The following PTPRD variants were observed in gnomAD, a reference collection of about 807,000 sequenced individuals.
PTPRD encodes protein tyrosine phosphatase receptor type D.
In PTPRD, 34 loss-of-function variants were observed where a neutral mutation model predicts 214.5. That is an observed-to-expected ratio of 0.16 (90% CI 0.12 to 0.21). PTPRD has a LOEUF of 0.21. Among genes scored for constraint, PTPRD ranks in the 10% least tolerant of loss-of-function variants. The probability of loss-of-function intolerance (pLI) is 1.00; values close to 1 mark genes in which losing one functional copy is unlikely to be tolerated. For missense variants in PTPRD, 2,545 were observed against 2,398.7 expected, an observed-to-expected ratio of 1.06 and a Z score of -1.27; for synonymous variants, 1,128 against 845.7, an observed-to-expected ratio of 1.33 and a Z score of -5.79.
At chr9:10,471,218 C>A (rs148183971) in intron 2 of PTPRD, among the ~76,000 whole-genome samples, 2,743 of 152,044 alleles carry the variant, frequency 0.018, 74 homozygotes, top group South Asian at 0.058. Context: ...ATGGGGGCAG[C>A]AAACCACCAT....
intron 7 of PTPRD, among the ~76,000 whole-genome samples, chr9:9,603,726 G>C (rs988579148): frequency 6.6e-6 from 1 of 152,156 alleles, no homozygotes; most frequent in Non-Finnish European, 1.5e-5. Flanking sequence ...CCCACCATGT[G>C]TGGAAAAGTT....
intron 5 of PTPRD, among the ~76,000 whole-genome samples, chr9:9,822,274 G>A (rs2051031243): frequency 6.6e-6 from 1 of 151,338 alleles, no homozygotes. Context: ...AGCTGGGCAT[G>A]GTGGTGCATG....
chr9:8,727,879 C>A (rs901038812), intron 12 of PTPRD, among the ~76,000 whole-genome samples: 4 of 152,146 alleles, frequency 2.6e-5, no homozygotes, highest in Non-Finnish European at 5.9e-5. Flanking sequence ...AAAGTTCTCC[C>A]ATTTAAAGTA....
intron 11 of PTPRD, among the ~76,000 whole-genome samples, chr9:8,865,728 A>G (rs922829383): frequency 6.6e-6 from 1 of 152,140 alleles, no homozygotes; most frequent in African/African-American, 2.4e-5. Context: ...GTGCTTAGAT[A>G]CCACTGTGGC....
chr9:8,741,566 CTTTTTTTTTTTTTTTTTTTTTT>C (rs66547770), intron 11 of PTPRD, among the ~76,000 whole-genome samples: 2 of 70,644 alleles, frequency 2.8e-5, no homozygotes, highest in East Asian at 4.8e-4. Context: ...TCAGGCATTT[CTTTTTTTTTTTTTTTTTTTTTT>C]TTTTTTTTTT....
At chr9:9,634,218 C>T (rs1480033507) in intron 7 of PTPRD, among the ~76,000 whole-genome samples, 4 of 151,976 alleles carry the variant, frequency 2.6e-5, no homozygotes, top group South Asian at 2.1e-4. Context: ...GTATCAAAAA[C>T]GTTGGTGGAT....
At chr9:10,104,354 A>G (rs2098602754) in intron 3 of PTPRD, among the ~76,000 whole-genome samples, 1 of 151,778 alleles carries the variant, frequency 6.6e-6, no homozygotes, top group South Asian at 2.1e-4. Context: ...ATAATTAAAA[A>G]AAGAATTTAA....
intron 11 of PTPRD, among the ~76,000 whole-genome samples, chr9:8,917,475 G>A (rs570809074): frequency 6.6e-6 from 1 of 151,918 alleles, no homozygotes; most frequent in African/African-American, 2.4e-5. Context: ...TTTGCTCTGG[G>A]GCAAGGAAGC....
At chr9:8,669,220 C>A (rs937921149) in intron 12 of PTPRD, among the ~76,000 whole-genome samples, 1 of 151,996 alleles carries the variant, frequency 6.6e-6, no homozygotes, top group African/African-American at 2.4e-5. Flanking sequence ...TAGAGGGTAG[C>A]GGGGTGAATT....
At chr9:9,517,520 TAATA>T (rs2096867091) in intron 8 of PTPRD, among the ~76,000 whole-genome samples, 1 of 152,164 alleles carries the variant, frequency 6.6e-6, no homozygotes, top group South Asian at 2.1e-4. Context: ...TCCTCTGCAC[TAATA>T]AATAAACAGT....
At chr9:9,736,094 A>T (rs1323801) in intron 6 of PTPRD, among the ~76,000 whole-genome samples, 77,098 of 151,948 alleles carry the variant, frequency 0.51, 23,412 homozygotes, top group African/African-American at 0.84. Context: ...TCATCACAAT[A>T]TTTCAAGTCA....
At chr9:9,428,708 A>G (rs1037644750) in intron 8 of PTPRD, among the ~76,000 whole-genome samples, 2 of 152,230 alleles carry the variant, frequency 1.3e-5, no homozygotes, top group African/African-American at 4.8e-5. Context: ...ACTGTCTCTC[A>G]GACCACAGTG....
intron 21 of PTPRD, among the ~76,000 whole-genome samples, chr9:8,509,518 C>A (rs2097629032): frequency 6.6e-6 from 1 of 152,122 alleles, no homozygotes; most frequent in Non-Finnish European, 1.5e-5. Flanking sequence ...ACAGTATGGT[C>A]AAGAATTAGA....
intron 5 of PTPRD, among the ~76,000 whole-genome samples, chr9:9,937,226 A>T (rs887064376): frequency 6.6e-6 from 1 of 151,584 alleles, no homozygotes; most frequent in South Asian, 2.1e-4. Flanking sequence ...AAAGTAAAAT[A>T]ATAAAAAAAA....
At chr9:10,317,958 A>G (rs1056661674) in intron 3 of PTPRD, among the ~76,000 whole-genome samples, 3 of 152,066 alleles carry the variant, frequency 2.0e-5, no homozygotes, top group Non-Finnish European at 4.4e-5. Flanking sequence ...AATAACTACT[A>G]AAACCTATTT....
At chr9:10,493,512 G>A (rs200106411) in intron 2 of PTPRD, among the ~76,000 whole-genome samples, 2 of 151,938 alleles carry the variant, frequency 1.3e-5, no homozygotes, top group Admixed American at 6.6e-5. Flanking sequence ...GATTCCCTAT[G>A]TAATAAATGG....
intron 10 of PTPRD, among the ~76,000 whole-genome samples, chr9:9,042,742 G>A (rs1382156229): frequency 1.3e-5 from 2 of 150,522 alleles, no homozygotes; most frequent in East Asian, 4.0e-4. Context: ...TTCTAAAGAA[G>A]TTGAAAATGC....
chr9:8,496,287 C>G (rs2097269317), intron 26 of PTPRD, among the ~76,000 whole-genome samples: 1 of 151,788 alleles, frequency 6.6e-6, no homozygotes, highest in Non-Finnish European at 1.5e-5. Context: ...AGCTTCAGGA[C>G]TTCTTTTACT....
At chr9:8,838,217 C>T (rs2097480229) in intron 11 of PTPRD, among the ~76,000 whole-genome samples, 2 of 151,138 alleles carry the variant, frequency 1.3e-5, no homozygotes, top group South Asian at 4.2e-4. Context: ...AAACCAGAAA[C>T]AGATCTTAAA....
Sources: gnomAD v4.1 joint callset for allele counts (sites outside exome capture counted in the v4.1 genomes callset) on GRCh38, gnomAD v4.1.1 for gene constraint, MANE v1.5 for transcripts, NCBI Gene and HGNC (gene_info 2026-07-23, HGNC 2026-07-21) for gene names.